The following PDLIM5 variants were observed in gnomAD, a reference collection of about 807,000 sequenced individuals.
PDLIM5 encodes the protein PDZ and LIM domain 5.
PDLIM5 carries 34 observed loss-of-function variants against 64.2 expected under a neutral mutation model. That is an observed-to-expected ratio of 0.53 (90% CI 0.40 to 0.71). The LOEUF (loss-of-function observed/expected upper bound fraction) is 0.71, where lower values mean the gene tolerates loss of function less well. Among genes scored for constraint, PDLIM5 ranks in the 30% least tolerant of loss-of-function variants. The pLI, the probability that PDLIM5 is intolerant of heterozygous loss-of-function variation, is 0.00. For synonymous variants in PDLIM5, 253 were observed against 269.1 expected (o/e 0.94, Z 0.59); for missense variants, 683 against 733.6 (o/e 0.93, Z 0.80).
chr4:94,617,999 T>C lies in PDLIM5; in HGVS notation c.921-5T>C. On this transcript the variant is annotated splice_region_variant and splice_polypyrimidine_tract_variant and intron_variant, in intron 7 of 12. Coordinates refer to ENST00000317968, the MANE Select transcript of PDLIM5 (RefSeq NM_006457.5). ...ACCAAAGATGTTTCTTTATTTCCTT[T>C]ACAGTAACTCTCAGGAGCCTTCTCC... The C allele has an allele frequency of 6.6e-7, 1 of 1,512,000 alleles. No individual in the cohort carries two copies. Among genetic ancestry groups the C allele is most frequent in the Non-Finnish European group, 8.9e-7 (1 of 1,124,194 alleles). 93.7% of individuals were successfully genotyped at this position (1,512,000 alleles called of 1,614,324 possible). A position where few individuals can be genotyped will look rare whatever the true frequency, so the allele number is the denominator to read the frequency against.
intron 9 of PDLIM5, among the ~76,000 whole-genome samples, chr4:94,646,740 A>T (rs1196314086): frequency 6.6e-6 from 1 of 152,166 alleles, no homozygotes; most frequent in African/African-American, 2.4e-5. Flanking sequence ...ACAAATGTCC[A>T]TTGAAAACTT....
chr4:94,566,794 T>G (rs1734359654), intron 3 of PDLIM5, among the ~76,000 whole-genome samples: 1 of 152,222 alleles, frequency 6.6e-6, no homozygotes, highest in Non-Finnish European at 1.5e-5. Flanking sequence ...AAACTTCAGA[T>G]TATGAATTGT....
Position 94,549,962 on chromosome 4 carries a change from C to T in PDLIM5, c.249-23389C>T, listed in dbSNP as rs192525488. The T allele has an allele frequency of 8.6e-4, 130 of 152,046 alleles. 1 individual carries two copies. The highest frequency in any genetic ancestry group is 2.7e-3 in the African/African-American group (114 of 41,480). 9.4% of individuals were successfully genotyped at this position (152,046 alleles called of 1,614,324 possible). A position where few individuals can be genotyped will look rare whatever the true frequency, so the allele number is the denominator to read the frequency against. ...CTGTATAAAATCTTCAATAAAATGA[C>T]GATACCAGTACCTCATATTTGTATA... On this transcript the variant is annotated intron_variant, in intron 3 of 12. Coordinates refer to ENST00000317968, the MANE Select transcript of PDLIM5 (RefSeq NM_006457.5).
At chr4:94,576,644 A>G (rs1029813438) in intron 5 of PDLIM5, among the ~76,000 whole-genome samples, 3 of 152,272 alleles carry the variant, frequency 2.0e-5, no homozygotes, top group Non-Finnish European at 4.4e-5. Context: ...AAGCATTAGA[A>G]GCAAATTATA....
intron 11 of PDLIM5, among the ~76,000 whole-genome samples, chr4:94,659,677 G>C (rs902895330): frequency 6.6e-6 from 1 of 151,428 alleles, no homozygotes; most frequent in Non-Finnish European, 1.5e-5. Context: ...ACAGGCACCC[G>C]CCACCACGCC....
chr4:94,557,010 G>T (rs1022266286), intron 3 of PDLIM5, among the ~76,000 whole-genome samples: 31 of 152,096 alleles, frequency 2.0e-4, no homozygotes, highest in African/African-American at 7.2e-4. Context: ...TATTGCCTAG[G>T]GTTTCTTCTA....
Position 94,576,018 on chromosome 4 carries a change from A to T in PDLIM5, c.694A>T (p.Ser232Cys). 6.2e-7 allele frequency: 1 copy of T among 1,613,534 alleles called. No homozygotes were observed. The highest frequency in any genetic ancestry group is 1.1e-5 in the South Asian group (1 of 91,034). The change falls in exon 5 of 13, where the codon AGT (serine) becomes TGT (cysteine). Residue 232 changes from serine (S) to cysteine (C), a missense_variant. Coordinates refer to ENST00000317968, the MANE Select transcript of PDLIM5 (RefSeq NM_006457.5). ...EGQRRGSQGDSKQQNGPPRKH... is the reference protein window; with the variant it reads ...EGQRRGSQGDCKQQNGPPRKH... ...ACAGAGAAGAGGATCCCAGGGTGAC[A>T]GTAAACAGCAAAATGGGTAGGTGGC... is the stretch of plus-strand genomic sequence containing the variant.
intron 2 of PDLIM5, among the ~76,000 whole-genome samples, chr4:94,490,245 CTT>C (rs1258827361): frequency 6.6e-6 from 1 of 151,740 alleles, no homozygotes. Context: ...ATTATAAACT[CTT>C]TATGAATGTT....
intron 8 of PDLIM5, among the ~76,000 whole-genome samples, chr4:94,631,649 A>G (rs73834221): frequency 0.014 from 2,142 of 152,272 alleles, 46 homozygotes; most frequent in African/African-American, 0.049. Flanking sequence ...CTGGCAAAGA[A>G]CTCAGCACAC....
intron 3 of PDLIM5, among the ~76,000 whole-genome samples, chr4:94,570,990 G>A (rs1466745126): frequency 1.3e-5 from 2 of 151,910 alleles, no homozygotes; most frequent in Non-Finnish European, 2.9e-5. Flanking sequence ...ACACTAATGC[G>A]AACATTCAGA....
intron 3 of PDLIM5, among the ~76,000 whole-genome samples, chr4:94,538,609 T>A (rs2452586): frequency 0.52 from 78,989 of 152,070 alleles, 21,557 homozygotes; most frequent in African/African-American, 0.68. Context: ...GTATCTCATC[T>A]GTCAGTATCT....
intron 3 of PDLIM5, among the ~76,000 whole-genome samples, chr4:94,532,560 C>A (rs551553048): frequency 6.6e-6 from 1 of 152,140 alleles, no homozygotes; most frequent in East Asian, 1.9e-4. Context: ...GCGCCTGGGT[C>A]GTGACTGCCC....
At chr4:94,631,699 G>A (rs1301577292) in intron 8 of PDLIM5, among the ~76,000 whole-genome samples, 1 of 152,182 alleles carries the variant, frequency 6.6e-6, no homozygotes, top group Non-Finnish European at 1.5e-5. Context: ...AATGCATAAG[G>A]ACATAGTTTT....
intron 2 of PDLIM5, among the ~76,000 whole-genome samples, chr4:94,476,189 A>G (rs1020238377): frequency 2.0e-5 from 3 of 152,078 alleles, no homozygotes; most frequent in Admixed American, 6.6e-5. Context: ...CTGCCCACAC[A>G]TTATTTGCGA....
At chr4:94,616,670 T>G (rs962747613) in intron 7 of PDLIM5, among the ~76,000 whole-genome samples, 3 of 152,244 alleles carry the variant, frequency 2.0e-5, no homozygotes, top group Admixed American at 2.0e-4. Flanking sequence ...CTTAAAGTTT[T>G]TTATTGTATA....
intron 8 of PDLIM5, among the ~76,000 whole-genome samples, chr4:94,638,671 T>A (rs1740765889): frequency 1.3e-5 from 2 of 152,270 alleles, no homozygotes; most frequent in African/African-American, 4.8e-5. Flanking sequence ...ATTATTTGTA[T>A]GCTTTTCTTA....
At chr4:94,548,876 T>G (rs78025011) in intron 3 of PDLIM5, among the ~76,000 whole-genome samples, 308 of 152,246 alleles carry the variant, frequency 2.0e-3, no homozygotes, top group African/African-American at 7.0e-3. Context: ...CTTCCTTATA[T>G]GTATAAATAA....
intron 7 of PDLIM5, among the ~76,000 whole-genome samples, chr4:94,609,929 T>C (rs2110372470): frequency 6.6e-6 from 1 of 152,302 alleles, no homozygotes. Context: ...CATTGAAGAG[T>C]ATTCGTATGT....
At chr4:94,570,729 G>T (rs1734736418) in intron 3 of PDLIM5, among the ~76,000 whole-genome samples, 1 of 152,070 alleles carries the variant, frequency 6.6e-6, no homozygotes, top group South Asian at 2.1e-4. Flanking sequence ...TGACAACTTT[G>T]CAATTAAAGT....
Sources: gnomAD v4.1 joint callset for allele counts (sites outside exome capture counted in the v4.1 genomes callset) on GRCh38, gnomAD v4.1.1 for gene constraint, MANE v1.5 for transcripts, NCBI Gene and HGNC (gene_info 2026-07-23, HGNC 2026-07-21) for gene names.